The following CAMK4 variants were observed in gnomAD, a reference collection of about 807,000 sequenced individuals.
CAMK4 encodes the protein calcium/calmodulin dependent protein kinase IV, also known as calcium/calmodulin-dependent protein kinase type IV.
A neutral mutation model predicts 44.9 loss-of-function variants in CAMK4; 22 were observed. The ratio of observed to expected loss-of-function variants is 0.49; its 90% CI spans 0.35 to 0.70. The LOEUF (loss-of-function observed/expected upper bound fraction) is 0.70, where lower values mean the gene tolerates loss of function less well. Ranked by LOEUF, CAMK4 falls within the 30% of genes least tolerant of loss-of-function variation. The pLI is 0.01. For missense variants in CAMK4, 498 were observed against 586.8 expected, an observed-to-expected ratio of 0.85 and a Z score of 1.56; for synonymous variants, 218 against 215.4, an observed-to-expected ratio of 1.01 and a Z score of -0.11.
chr5:111,452,390 A>G (rs982241752), intron 7 of CAMK4, among the ~76,000 whole-genome samples: 9 of 152,246 alleles, frequency 5.9e-5, no homozygotes, highest in Non-Finnish European at 7.3e-5. Flanking sequence ...AATCAAGGCA[A>G]TATTTTTAAA....
At chr5:111,371,059 T>A (rs561628423) in intron 2 of CAMK4, among the ~76,000 whole-genome samples, 52 of 152,300 alleles carry the variant, frequency 3.4e-4, no homozygotes, top group African/African-American at 1.3e-3. Flanking sequence ...TATAAGTGTT[T>A]GTCTCTTGCT....
At chr5:111,242,980 G>A (rs1749072883) in intron 1 of CAMK4, among the ~76,000 whole-genome samples, 1 of 152,136 alleles carries the variant, frequency 6.6e-6, no homozygotes, top group Admixed American at 6.5e-5. Context: ...TTAGTGCACT[G>A]TGGCGAGGTC....
At chr5:111,461,007 C>T (rs756221710) in intron 7 of CAMK4, among the ~76,000 whole-genome samples, 18 of 152,112 alleles carry the variant, frequency 1.2e-4, no homozygotes, top group Admixed American at 2.6e-4. Context: ...ATAATTCTTG[C>T]GGTAAGGAAG....
At chr5:111,454,415 C>T (rs998371732) in intron 7 of CAMK4, among the ~76,000 whole-genome samples, 2 of 152,060 alleles carry the variant, frequency 1.3e-5, no homozygotes, top group African/African-American at 4.8e-5. Context: ...AAACAGGGCT[C>T]TCCTATAAGT....
intron 1 of CAMK4, among the ~76,000 whole-genome samples, chr5:111,341,511 A>G (rs920638796): frequency 9.3e-5 from 14 of 151,274 alleles, no homozygotes; most frequent in African/African-American, 1.4e-4. Context: ...ATAATCCATC[A>G]TATATGTGTA....
rs143681759 is a variant in CAMK4, at chr5:111,442,225, G to C, written c.460-4461G>C. Among the ~76,000 whole-genome samples the C allele has an allele frequency of 5.9e-3, 900 of 152,248 alleles. 13 individuals are homozygous for C. The highest frequency in any genetic ancestry group is 0.02 in the African/African-American group (846 of 41,538). ...TGAAGGCATCTCAGTCAGGTGCTGT[G>C]GCTCATGCCTATAATCCCAGCACTT... On this transcript the variant is annotated intron_variant, in intron 5 of 10. Coordinates refer to ENST00000282356, the MANE Select transcript of CAMK4 (RefSeq NM_001744.6).
chr5:111,374,642 A>G (rs540969097), intron 2 of CAMK4, among the ~76,000 whole-genome samples: 1 of 152,282 alleles, frequency 6.6e-6, no homozygotes, highest in Admixed American at 6.5e-5. Context: ...GTTGTGATGC[A>G]TACTAGTTTC....
In CAMK4 at chr5:111,482,173, T is replaced by C. The variant is rs1422451695; in HGVS notation, c.829-612T>C. The C allele has an allele frequency of 6.6e-6, 1 of 152,200 alleles. No individual in the cohort carries two copies. Among genetic ancestry groups the C allele is most frequent in the Non-Finnish European group, 1.5e-5 (1 of 68,042 alleles). The allele number at this position is 152,200 out of a possible 1,614,324, so 9.4% of individuals were successfully genotyped here. On this transcript the variant is annotated intron_variant, in intron 9 of 10. Transcript: ENST00000282356. The surrounding 1 kb of genome is among the most constrained non-coding windows in gnomAD (Gnocchi z 4.9). Reference sequence around the variant, plus strand: ...ACCTCCAAGAATGGGCTGCCATTGATTGGATTCCATTCTTTAGGCAAATCA... The same window carrying C: ...ACCTCCAAGAATGGGCTGCCATTGACTGGATTCCATTCTTTAGGCAAATCA...
chr5:111,284,214 A>C (rs781352731), intron 1 of CAMK4, among the ~76,000 whole-genome samples: 1 of 152,336 alleles, frequency 6.6e-6, no homozygotes, highest in Non-Finnish European at 1.5e-5. Context: ...GAAGGTGATC[A>C]TAGGCAACAA....
chr5:111,372,196 T>A (rs376668), intron 2 of CAMK4, among the ~76,000 whole-genome samples: 57,389 of 151,948 alleles, frequency 0.38, 11,224 homozygotes, highest in Non-Finnish European at 0.43. Flanking sequence ...CTTCAGGATC[T>A]TAGGAAAATG....
At chr5:111,398,748 A>T (rs1490699978) in intron 5 of CAMK4, among the ~76,000 whole-genome samples, 1 of 151,854 alleles carries the variant, frequency 6.6e-6, no homozygotes, top group East Asian at 1.9e-4. Flanking sequence ...CCAGCAAAAA[A>T]CTCTTATAAG....
intron 2 of CAMK4, among the ~76,000 whole-genome samples, chr5:111,369,210 C>T (rs1473254608): frequency 6.6e-6 from 1 of 151,748 alleles, no homozygotes; most frequent in Non-Finnish European, 1.5e-5. Context: ...GGATTACAGG[C>T]ATGTGTTGCC....
Position 111,446,727 on chromosome 5 carries a change from A to G in CAMK4, c.501A>G (p.Pro167=), listed in dbSNP as rs748238441. 9 of 1,608,098 alleles carry G rather than the reference A, an allele frequency of 5.6e-6. No homozygotes were observed. The East Asian group carries it at 2.0e-4, about 36-fold the overall frequency. ...GGATTGTCCATCGTGATCTCAAACC[A>G]GAGAATCTTCTTTATGCAACTCCAG... ...ENGIVHRDLK[P]ENLLYATPAP... The change falls in exon 6 of 11, where the codon CCA becomes CCG. Residue 167 remains proline (P), a synonymous_variant. Coordinates refer to ENST00000282356, the MANE Select transcript of CAMK4 (RefSeq NM_001744.6).
chr5:111,419,384 T>G (rs1475452878), intron 5 of CAMK4, among the ~76,000 whole-genome samples: 11 of 152,198 alleles, frequency 7.2e-5, no homozygotes, highest in East Asian at 3.8e-4. Context: ...TTTCTCCCAT[T>G]TCGTAGGTTG....
At chr5:111,244,790 A>G (rs1221765943) in intron 1 of CAMK4, among the ~76,000 whole-genome samples, 3 of 152,050 alleles carry the variant, frequency 2.0e-5, no homozygotes, top group African/African-American at 7.2e-5. Flanking sequence ...GAACCCGGGA[A>G]GTGGAGGCTG....
chr5:111,363,650 G>T (rs1046440694), intron 2 of CAMK4, among the ~76,000 whole-genome samples: 1 of 152,042 alleles, frequency 6.6e-6, no homozygotes, highest in Non-Finnish European at 1.5e-5. Context: ...GAGTGGCCAG[G>T]AAAGGCCTCT....
At chr5:111,257,093 A>G (rs1328673541) in intron 1 of CAMK4, among the ~76,000 whole-genome samples, 1 of 152,250 alleles carries the variant, frequency 6.6e-6, no homozygotes, top group Non-Finnish European at 1.5e-5. Flanking sequence ...AGGCATGGGC[A>G]AAGATTTCAT....
chr5:111,435,853 A>G (rs979173817), intron 5 of CAMK4, among the ~76,000 whole-genome samples: 3 of 152,166 alleles, frequency 2.0e-5, no homozygotes, highest in Non-Finnish European at 2.9e-5. Flanking sequence ...GAATGTCATA[A>G]TCATGTTTAT....
intron 5 of CAMK4, among the ~76,000 whole-genome samples, chr5:111,398,966 C>T (rs1461570386): frequency 1.3e-5 from 2 of 152,166 alleles, no homozygotes; most frequent in Non-Finnish European, 2.9e-5. Context: ...ATCTCTCACT[C>T]AGACTGCTAT....
Sources: allele counts gnomAD v4.1 joint callset (sites outside exome capture counted in the v4.1 genomes callset), GRCh38; gene constraint gnomAD v4.1.1; non-coding constraint Gnocchi (gnomAD v3.1); transcripts MANE v1.5; gene names NCBI Gene and HGNC (gene_info 2026-07-23, HGNC 2026-07-21).